DTNA: variants seen among roughly 807,000 people sequenced by gnomAD.
The protein encoded by DTNA is dystrobrevin alpha.
DTNA carries 43 observed loss-of-function variants against 100.7 expected under a neutral mutation model. The ratio of observed to expected loss-of-function variants is 0.43; its 90% CI spans 0.33 to 0.55. DTNA has a LOEUF of 0.55. Ranked by LOEUF, DTNA falls within the 20% of genes least tolerant of loss-of-function variation. The pLI is 0.04. For missense variants in DTNA, 798 were observed against 953.9 expected, an observed-to-expected ratio of 0.84 and a Z score of 2.15; for synonymous variants, 349 against 347.9, an observed-to-expected ratio of 1.00 and a Z score of -0.04.
chr18:34,812,047 G>T lies in DTNA; in HGVS notation c.537G>T (p.Thr179=), dbSNP rs11877640. 1.7e-3 allele frequency: 2,665 copies of T among 1,614,036 alleles called. 36 individuals carry two copies. The African/African-American group carries it at 0.032, about 20-fold the overall frequency. ...QFLREVLKLP[T]AVFEGPSFGY... is the part of the protein sequence containing the mutation. ...TTCGGGAAGTTCTCAAACTACCCACGGCAGTTTTTGAAGGTCCTTCATTTG... is the reference window on the plus strand; with the variant it reads ...TTCGGGAAGTTCTCAAACTACCCACTGCAGTTTTTGAAGGTCCTTCATTTG... Residue 179 remains threonine (T), a synonymous_variant, in exon 6 of 23, where the codon ACG becomes ACT. Transcript: ENST00000444659.
chr18:34,634,648 T>C (rs2058460218), intron 1 of DTNA, among the ~76,000 whole-genome samples: 1 of 152,140 alleles, frequency 6.6e-6, no homozygotes, highest in Non-Finnish European at 1.5e-5. Context: ...CAGAAAATTG[T>C]GGATATTCTT....
chr18:34,819,737 T>C (rs1159736267), intron 8 of DTNA, among the ~76,000 whole-genome samples: 1 of 152,090 alleles, frequency 6.6e-6, no homozygotes, highest in Non-Finnish European at 1.5e-5. Context: ...GGCAAAGAGC[T>C]GCTGTTGCTG....
chr18:34,867,058 T>C (rs2150205494), intron 17 of DTNA: 1 of 1,229,342 alleles, frequency 8.1e-7, no homozygotes, highest in African/African-American at 1.6e-5. Context: ...TTCAAGTGCA[T>C]GTACCACGCT....
intron 1 of DTNA, among the ~76,000 whole-genome samples, chr18:34,605,335 A>C (rs2052818663): frequency 6.6e-6 from 1 of 152,204 alleles, no homozygotes; most frequent in African/African-American, 2.4e-5. Context: ...CCACATGTCC[A>C]AATGTGTGTT....
intron 21 of DTNA, 27 bp from the exon 22 acceptor site, chr18:34,884,701 C>T: frequency 1.2e-6 from 2 of 1,614,050 alleles, no homozygotes; most frequent in Non-Finnish European, 8.5e-7. Context: ...TGTCACCTTT[C>T]TCGTTTGTGT....
At chr18:34,646,380 C>G (rs1659524) in intron 1 of DTNA, among the ~76,000 whole-genome samples, 29,926 of 152,094 alleles carry the variant, frequency 0.2, 4,431 homozygotes, top group African/African-American at 0.42. Context: ...GAAACCATAT[C>G]TGTTATATTT....
At chr18:34,531,632 G>A (rs2043152955) in intron 1 of DTNA, among the ~76,000 whole-genome samples, 1 of 152,154 alleles carries the variant, frequency 6.6e-6, no homozygotes, top group East Asian at 1.9e-4. Context: ...TATTTAATAA[G>A]ACTCTGTAGA....
At position 34,669,504 on chromosome 18, in the gene DTNA, G is replaced by T. The variant is rs146627792; in HGVS notation, c.-1-86472G>T. On this transcript the variant is annotated intron_variant, in intron 1 of 19. Transcript: ENST00000283365. The stretch of plus-strand genomic sequence containing the variant: ...CTGGTTATTTTGTTCGTTAGTTGAT[G>T]CTGTTTCTTCCTAGCATCAATGGTC... Among the ~76,000 whole-genome samples the T allele has an allele frequency of 1.7e-3, 258 of 152,314 alleles. 1 individual carries two copies. Among genetic ancestry groups the T allele is most frequent in the African/African-American group, 5.4e-3 (226 of 41,558 alleles).
intron 4 of DTNA, among the ~76,000 whole-genome samples, chr18:34,796,752 A>G (rs1158345590): frequency 6.6e-6 from 1 of 152,206 alleles, no homozygotes; most frequent in Non-Finnish European, 1.5e-5. Context: ...GGATTCAAAG[A>G]AACTTGGCCA....
chr18:34,580,910 T>C (rs1435422616), intron 1 of DTNA, among the ~76,000 whole-genome samples: 1 of 152,100 alleles, frequency 6.6e-6, no homozygotes, highest in East Asian at 1.9e-4. Context: ...TTGTGGGGCC[T>C]CAGTATTCTA....
chr18:34,702,058 CT>C (rs200634856), intron 1 of DTNA, among the ~76,000 whole-genome samples: 3,697 of 152,286 alleles, frequency 0.024, 172 homozygotes, highest in African/African-American at 0.085. Flanking sequence ...CTAACATGGG[CT>C]TCAAAGTCCT....
chr18:34,753,366 A>ATT (rs757853063), intron 1 of DTNA, among the ~76,000 whole-genome samples: 2 of 133,150 alleles, frequency 1.5e-5, no homozygotes, highest in African/African-American at 3.2e-5. Context: ...TATTTATTTT[A>ATT]TTTTTTTTTT....
chr18:34,664,672 TCA>T (rs2075657939), intron 1 of DTNA, among the ~76,000 whole-genome samples: 1 of 152,156 alleles, frequency 6.6e-6, no homozygotes. Flanking sequence ...ACTTGCTCTA[TCA>T]CAGAGACACA....
intron 21 of DTNA, among the ~76,000 whole-genome samples, chr18:34,882,542 T>C (rs2096883334): frequency 6.6e-6 from 1 of 152,020 alleles, no homozygotes; most frequent in Non-Finnish European, 1.5e-5. Context: ...TTAATTTTTG[T>C]ATTTTTTAGT....
At chr18:34,861,861 A>C (rs1212251319) in intron 16 of DTNA, among the ~76,000 whole-genome samples, 1 of 152,202 alleles carries the variant, frequency 6.6e-6, no homozygotes, top group Non-Finnish European at 1.5e-5. Flanking sequence ...ATTACTCTTA[A>C]TGGCAAAAAC....
chr18:34,614,006 C>A (rs1475278891), intron 1 of DTNA, among the ~76,000 whole-genome samples: 1 of 152,138 alleles, frequency 6.6e-6, no homozygotes, highest in East Asian at 1.9e-4. Flanking sequence ...GATAAGGTGC[C>A]TCTTGTTAGG....
At chr18:34,628,088 G>C (rs1047357622) in intron 1 of DTNA, among the ~76,000 whole-genome samples, 1 of 152,052 alleles carries the variant, frequency 6.6e-6, no homozygotes, top group Non-Finnish European at 1.5e-5. Context: ...ACTGCGCCTG[G>C]CACAAATTTG....
chr18:34,682,344 T>G (rs2078254423), intron 1 of DTNA, among the ~76,000 whole-genome samples: 1 of 152,194 alleles, frequency 6.6e-6, no homozygotes. Context: ...AATTGCGGTT[T>G]TGCCATTACT....
intron 7 of DTNA, among the ~76,000 whole-genome samples, chr18:34,817,246 T>C (rs1175093772): frequency 6.6e-6 from 1 of 152,220 alleles, no homozygotes; most frequent in Non-Finnish European, 1.5e-5. Context: ...GAGCTAGTTA[T>C]GTCTTTGTTT....
Sources: gnomAD v4.1 joint callset for allele counts (sites outside exome capture counted in the v4.1 genomes callset) on GRCh38, gnomAD v4.1.1 for gene constraint, MANE v1.5 for transcripts, NCBI Gene and HGNC (gene_info 2026-07-23, HGNC 2026-07-21) for gene names.